The following STX8 variants were observed in gnomAD, a reference collection of about 807,000 sequenced individuals.
STX8 encodes the protein syntaxin 8, also known as syntaxin-8.
A neutral mutation model predicts 37.5 loss-of-function variants in STX8; 23 were observed. The observed-to-expected ratio is 0.61, with a 90% CI of 0.44 to 0.87. The LOEUF (loss-of-function observed/expected upper bound fraction) is 0.87. Among genes scored for constraint, STX8 ranks in the 40% least tolerant of loss-of-function variants. The probability of loss-of-function intolerance (pLI) is 0.00; values close to 1 mark genes in which losing one functional copy is unlikely to be tolerated. For synonymous variants in STX8, 115 were observed against 99.1 expected (o/e 1.16, Z -0.95); for missense variants, 313 against 284.7 (o/e 1.10, Z -0.71).
At chr17:9,575,102 A>G (rs1907849401) in intron 1 of STX8, among the ~76,000 whole-genome samples, 1 of 152,238 alleles carries the variant, frequency 6.6e-6, no homozygotes, top group African/African-American at 2.4e-5. Context: ...ATCAAACAAT[A>G]TGTTCCTTGG....
At chr17:9,524,652 T>G (rs1166640292) in intron 4 of STX8, among the ~76,000 whole-genome samples, 1 of 152,246 alleles carries the variant, frequency 6.6e-6, no homozygotes, top group Non-Finnish European at 1.5e-5. Flanking sequence ...AGTCAAGGAC[T>G]GCCTACATAG....
At chr17:9,471,546 T>G (rs1000758752) in intron 6 of STX8, among the ~76,000 whole-genome samples, 2 of 152,142 alleles carry the variant, frequency 1.3e-5, no homozygotes, top group Non-Finnish European at 2.9e-5. Flanking sequence ...CGCCATTAAC[T>G]GGTAAGAGTG....
At chr17:9,342,830 G>C (rs2142234099) in intron 7 of STX8, among the ~76,000 whole-genome samples, 1 of 152,184 alleles carries the variant, frequency 6.6e-6, no homozygotes, top group East Asian at 1.9e-4. Context: ...AGACTAGCCT[G>C]ACCAATATGG....
intron 6 of STX8, among the ~76,000 whole-genome samples, chr17:9,380,238 G>A (rs1195057642): frequency 1.6e-5 from 2 of 125,640 alleles, no homozygotes; most frequent in Non-Finnish European, 3.4e-5. Context: ...TTTCTGTGTT[G>A]TTTGAATTTC....
chr17:9,529,792 A>G (rs1255359617), intron 4 of STX8, among the ~76,000 whole-genome samples: 1 of 152,190 alleles, frequency 6.6e-6, no homozygotes, highest in Non-Finnish European at 1.5e-5. Context: ...TCATTATACT[A>G]TAGATGTTCA....
intron 7 of STX8, among the ~76,000 whole-genome samples, chr17:9,324,159 CACAA>C (rs1026170339): frequency 1.5e-4 from 22 of 150,202 alleles, no homozygotes; most frequent in Admixed American, 3.3e-4. Flanking sequence ...CACACACAAA[CACAA>C]ACACACACTC....
chr17:9,494,405 G>C (rs559472360), intron 5 of STX8, among the ~76,000 whole-genome samples: 2 of 151,502 alleles, frequency 1.3e-5, no homozygotes, highest in Non-Finnish European at 2.9e-5. Context: ...GAAGCGGGCA[G>C]ATCACTTAAG....
chr17:9,449,144 C>A (rs1486626123), intron 6 of STX8, among the ~76,000 whole-genome samples: 1 of 152,130 alleles, frequency 6.6e-6, no homozygotes, highest in African/African-American at 2.4e-5. Flanking sequence ...TACTCCTAGG[C>A]AGGATTACCC....
intron 6 of STX8, among the ~76,000 whole-genome samples, chr17:9,431,886 T>TCTGGCCAA: frequency 6.6e-6 from 1 of 152,148 alleles, no homozygotes; most frequent in African/African-American, 2.4e-5. Flanking sequence ...AGAGTGTTCC[T>TCTGGCCAA]AGGACAACAT....
intron 7 of STX8, among the ~76,000 whole-genome samples, chr17:9,274,745 TTTTTTC>T (rs1432102712): frequency 1.9e-4 from 12 of 61,580 alleles, no homozygotes; most frequent in Admixed American, 4.5e-4. Flanking sequence ...CAACAATTTC[TTTTTTC>T]TTTTTTTTTT....
At chr17:9,401,774 T>C (rs1487455146) in intron 6 of STX8, among the ~76,000 whole-genome samples, 1 of 152,214 alleles carries the variant, frequency 6.6e-6, no homozygotes, top group Non-Finnish European at 1.5e-5. Context: ...TTGAGTTCCA[T>C]GACATCTGTC....
rs745424722 is a variant in STX8 at position 9,546,590 on chromosome 17, G to GTTTTTTTTTTTTTTTTTTTTTT, written c.213-1309_213-1308insAAAAAAAAAAAAAAAAAAAAAA. Among the ~76,000 whole-genome samples, 109 of 62,210 alleles carry GTTTTTTTTTTTTTTTTTTTTTT rather than the reference G, an allele frequency of 1.8e-3. 14 individuals are homozygous for GTTTTTTTTTTTTTTTTTTTTTT. Among genetic ancestry groups the GTTTTTTTTTTTTTTTTTTTTTT allele is most frequent in the East Asian group, 3.1e-3 (5 of 1,608 alleles). 40.8% of individuals were successfully genotyped at this position (62,210 alleles called of 152,430 possible). On this transcript the variant is annotated intron_variant, in intron 3 of 7. Coordinates refer to ENST00000306357, the MANE Select transcript of STX8 (RefSeq NM_004853.3). Reference sequence around the variant, plus strand: ...CTTTCTTGATGCAAACTACAAAAGTGGTTTTTTTTTTTTTTTTTTTTTTTT... The same window carrying GTTTTTTTTTTTTTTTTTTTTTT: ...CTTTCTTGATGCAAACTACAAAAGTGTTTTTTTTTTTTTTTTTTTTTTGTTTTTTTTTTTTTTTTTTTTTTTT...
intron 7 of STX8, among the ~76,000 whole-genome samples, chr17:9,291,911 T>A (rs1349403666): frequency 6.6e-6 from 1 of 152,248 alleles, no homozygotes; most frequent in East Asian, 1.9e-4. Flanking sequence ...GTGAACGTAT[T>A]CATTTATTTA....
At chr17:9,466,788 A>C (rs1002250490) in intron 6 of STX8, among the ~76,000 whole-genome samples, 1 of 152,202 alleles carries the variant, frequency 6.6e-6, no homozygotes, top group African/African-American at 2.4e-5. Flanking sequence ...CAATTCAACC[A>C]ACCTTCACCA....
At chr17:9,374,856 G>A (rs112874193) in intron 7 of STX8, among the ~76,000 whole-genome samples, 6,089 of 152,044 alleles carry the variant, frequency 0.04, 193 homozygotes, top group Middle Eastern at 0.075. Context: ...CTGAGGTCAG[G>A]AGTTTGAGAC....
At chr17:9,475,063 C>T (rs1906042776) in intron 6 of STX8, among the ~76,000 whole-genome samples, 1 of 152,100 alleles carries the variant, frequency 6.6e-6, no homozygotes, top group South Asian at 2.1e-4. Flanking sequence ...ATACTATGAC[C>T]TGGTAAAAAA....
At chr17:9,266,291 C>T (rs528208122) in intron 7 of STX8, among the ~76,000 whole-genome samples, 10 of 152,250 alleles carry the variant, frequency 6.6e-5, no homozygotes, top group African/African-American at 1.7e-4. Context: ...GCCAGCGCAC[C>T]GGAGCCTGCT....
intron 7 of STX8, among the ~76,000 whole-genome samples, chr17:9,289,992 G>A (rs1208246365): frequency 6.6e-6 from 1 of 152,176 alleles, no homozygotes; most frequent in African/African-American, 2.4e-5. Flanking sequence ...GTGAGTGCCT[G>A]AGCATGTGTG....
At chr17:9,541,254 A>C (rs1316070583) in intron 4 of STX8, among the ~76,000 whole-genome samples, 1 of 150,338 alleles carries the variant, frequency 6.7e-6, no homozygotes, top group East Asian at 1.9e-4. Context: ...AATAGGCAGC[A>C]AGCTGGGCAC....
Sources: allele counts gnomAD v4.1 joint callset (sites outside exome capture counted in the v4.1 genomes callset), GRCh38; gene constraint gnomAD v4.1.1; transcripts MANE v1.5; gene names NCBI Gene and HGNC (gene_info 2026-07-23, HGNC 2026-07-21).